IKZF2: variants seen among roughly 807,000 people sequenced by gnomAD.
The protein encoded by IKZF2 is zinc finger protein Helios.
IKZF2 carries 15 observed loss-of-function variants against 49.2 expected under a neutral mutation model. That is an observed-to-expected ratio of 0.30 (90% CI 0.20 to 0.47). The LOEUF is 0.47. IKZF2 is among the 20% of genes least tolerant of loss of function. The pLI is 1.00. For missense variants in IKZF2, 567 were observed against 664.6 expected, an observed-to-expected ratio of 0.85 and a Z score of 1.61; for synonymous variants, 227 against 221.4, an observed-to-expected ratio of 1.03 and a Z score of -0.23.
intron 4 of IKZF2, among the ~76,000 whole-genome samples, chr2:213,129,949 A>C (rs1188602164): frequency 1.3e-5 from 2 of 152,350 alleles, no homozygotes; most frequent in African/African-American, 4.8e-5. Flanking sequence ...AAGCATCTAC[A>C]GTATCTAAAG....
chr2:213,026,060 T>C, intron 6 of IKZF2, among the ~76,000 whole-genome samples: 1 of 152,108 alleles, frequency 6.6e-6, no homozygotes, highest in South Asian at 2.1e-4. Flanking sequence ...CTGTTAAGTT[T>C]TATTGAACTA....
At chr2:213,065,606 C>T (rs760168928) in intron 4 of IKZF2, among the ~76,000 whole-genome samples, 11 of 151,890 alleles carry the variant, frequency 7.2e-5, no homozygotes, top group East Asian at 1.9e-4. Context: ...AATTTAGGTG[C>T]GTTATATATA....
chr2:213,116,667 G>A (rs1384312855), intron 4 of IKZF2, among the ~76,000 whole-genome samples: 1 of 152,134 alleles, frequency 6.6e-6, no homozygotes, highest in African/African-American at 2.4e-5. Flanking sequence ...GAGGCTGTGA[G>A]GTCGAAGTTG....
intron 4 of IKZF2, among the ~76,000 whole-genome samples, chr2:213,138,202 G>A (rs964522923): frequency 6.6e-6 from 1 of 152,018 alleles, no homozygotes; most frequent in African/African-American, 2.4e-5. Context: ...CCTTAAATGT[G>A]CTATATCAAG....
At chr2:213,098,457 A>T (rs1162773750) in intron 4 of IKZF2, among the ~76,000 whole-genome samples, 1 of 144,140 alleles carries the variant, frequency 6.9e-6, no homozygotes, top group African/African-American at 2.9e-5. Context: ...GATGGTAATC[A>T]ACAAATGATC....
intron 7 of IKZF2, among the ~76,000 whole-genome samples, chr2:213,017,634 A>T (rs1221298333): frequency 6.6e-6 from 1 of 152,114 alleles, no homozygotes; most frequent in Non-Finnish European, 1.5e-5. Flanking sequence ...TTTAGATGCT[A>T]CATTGGTAGT....
intron 4 of IKZF2, among the ~76,000 whole-genome samples, chr2:213,131,812 G>C (rs1302282933): frequency 6.6e-6 from 1 of 152,158 alleles, no homozygotes; most frequent in Non-Finnish European, 1.5e-5. Flanking sequence ...GAAGTAACCT[G>C]TGGGGTTAAT....
At chr2:213,147,945 T>G in intron 3 of IKZF2, 133 bp from the exon 4 acceptor site, 1 of 630,292 alleles carries the variant, frequency 1.6e-6, no homozygotes, top group Non-Finnish European at 2.8e-6. Flanking sequence ...CCTTAGAAAC[T>G]ATAAGGAAAT....
intron 8 of IKZF2, among the ~76,000 whole-genome samples, chr2:213,010,961 AAC>A (rs1197431381): frequency 6.6e-6 from 1 of 152,110 alleles, no homozygotes; most frequent in Non-Finnish European, 1.5e-5. Context: ...AAGAATACTG[AAC>A]ACAGTCAGAG....
At chr2:213,009,207 A>G (rs1695674518) in intron 8 of IKZF2, among the ~76,000 whole-genome samples, 1 of 152,134 alleles carries the variant, frequency 6.6e-6, no homozygotes, top group African/African-American at 2.4e-5. Flanking sequence ...ACCTCAACAA[A>G]TATAATTTTA....
intron 4 of IKZF2, among the ~76,000 whole-genome samples, chr2:213,079,753 T>C (rs956994249): frequency 5.9e-5 from 9 of 152,184 alleles, no homozygotes; most frequent in Non-Finnish European, 1.2e-4. Flanking sequence ...TCTCTATGTT[T>C]TCCTAGCAGC....
At chr2:213,079,292 T>C (rs1574757355) in intron 4 of IKZF2, among the ~76,000 whole-genome samples, 1 of 151,948 alleles carries the variant, frequency 6.6e-6, no homozygotes, top group African/African-American at 2.4e-5. Context: ...GACAGGAGTA[T>C]TGCTTCAGCC....
chr2:213,104,834 T>C (rs951595646), intron 4 of IKZF2, among the ~76,000 whole-genome samples: 1 of 152,160 alleles, frequency 6.6e-6, no homozygotes, highest in African/African-American at 2.4e-5. Context: ...AACACACAGA[T>C]AGCAATAAAG....
intron 7 of IKZF2, chr2:213,015,268 T>C (rs554460598): frequency 6.6e-6 from 1 of 152,198 alleles, no homozygotes; most frequent in East Asian, 1.9e-4. Flanking sequence ...AAAAATTGAA[T>C]TGTAATCTAC....
intron 5 of IKZF2, among the ~76,000 whole-genome samples, chr2:213,052,072 A>G (rs749951068): frequency 2.0e-5 from 3 of 152,054 alleles, no homozygotes; most frequent in Non-Finnish European, 4.4e-5. Context: ...GAATTTTAAA[A>G]TTCACCTAAT....
chr2:213,009,524 C>A (rs1695713852), intron 8 of IKZF2, among the ~76,000 whole-genome samples: 1 of 151,876 alleles, frequency 6.6e-6, no homozygotes, highest in African/African-American at 2.4e-5. Context: ...AAGAAATGGC[C>A]CCTACGTGAG....
intron 4 of IKZF2, among the ~76,000 whole-genome samples, chr2:213,089,693 C>T (rs982107596): frequency 1.3e-5 from 2 of 152,094 alleles, no homozygotes; most frequent in African/African-American, 4.8e-5. Context: ...CATGTACATG[C>T]ATGGCAACCC....
chr2:213,068,123 A>G (rs1702326294), intron 4 of IKZF2, among the ~76,000 whole-genome samples: 1 of 152,156 alleles, frequency 6.6e-6, no homozygotes, highest in Non-Finnish European at 1.5e-5. Flanking sequence ...AAAGCAAAGT[A>G]GACAGACATA....
At chr2:213,054,184 C>A (rs1459638536) in intron 5 of IKZF2, among the ~76,000 whole-genome samples, 1 of 151,746 alleles carries the variant, frequency 6.6e-6, no homozygotes. Flanking sequence ...GTGGAGGGTG[C>A]AGTGATCCAA....
Sources: allele counts gnomAD v4.1 joint callset (sites outside exome capture counted in the v4.1 genomes callset), GRCh38; gene constraint gnomAD v4.1.1; transcripts MANE v1.5; gene names NCBI Gene and HGNC (gene_info 2026-07-23, HGNC 2026-07-21).